The following PKHD1 variants were observed in gnomAD, a reference collection of about 807,000 sequenced individuals.
The protein encoded by PKHD1 is PKHD1 ciliary IPT domain containing fibrocystin/polyductin.
A neutral mutation model predicts 412.0 loss-of-function variants in PKHD1; 291 were observed. The observed-to-expected ratio is 0.71, with a 90% CI of 0.64 to 0.78. The LOEUF is 0.78. Ranked by LOEUF, PKHD1 falls within the 30% of genes least tolerant of loss-of-function variation. PKHD1 has a pLI of 0.00. For missense variants in PKHD1, 4,825 were observed against 4,950.7 expected (o/e 0.97, Z 0.76); for synonymous variants, 1,777 against 1,821.5 (o/e 0.98, Z 0.62).
chr6:51,847,875 C>A lies in PKHD1; in HGVS notation c.8007G>T (p.Gly2669=). ...ATGGAAAAGACAGACCCACTCGACT[C>A]CCACATCTTAGGAGGATGTCAGGGT... ...PPYPDILLRC[G]SRVGLSFPFL... Residue 2669 remains glycine, a synonymous_variant, in exon 50 of 67, where the codon GGG becomes GGT. Transcript: ENST00000371117. 1 of 1,613,770 alleles carries A rather than the reference C, an allele frequency of 6.2e-7. No homozygotes were observed. The highest frequency in any genetic ancestry group is 1.3e-5 in the African/African-American group (1 of 75,040).
intron 63 of PKHD1, among the ~76,000 whole-genome samples, chr6:51,641,867 G>A (rs528964453): frequency 5.8e-4 from 88 of 152,168 alleles, no homozygotes; most frequent in African/African-American, 2.0e-3. Context: ...GGCACAGGGA[G>A]GGGAACATCA....
intron 36 of PKHD1, among the ~76,000 whole-genome samples, chr6:51,959,336 A>T (rs563024802): frequency 5.0e-4 from 76 of 152,220 alleles, no homozygotes; most frequent in Middle Eastern, 3.4e-3. Flanking sequence ...CCATTTGAAG[A>T]TGTGGTAGTA....
intron 60 of PKHD1, among the ~76,000 whole-genome samples, chr6:51,743,809 TAA>T (rs1167030472): frequency 6.6e-6 from 1 of 151,964 alleles, no homozygotes; most frequent in African/African-American, 2.4e-5. Context: ...TTAGTGGAAA[TAA>T]AAAGACAATG....
chr6:51,795,163 G>A (rs1794403452), intron 52 of PKHD1, among the ~76,000 whole-genome samples: 1 of 152,132 alleles, frequency 6.6e-6, no homozygotes, highest in South Asian at 2.1e-4. Context: ...CATGAGCATG[G>A]AATATTTTTC....
At chr6:51,787,075 C>G (rs909250919) in intron 53 of PKHD1, among the ~76,000 whole-genome samples, 1 of 152,112 alleles carries the variant, frequency 6.6e-6, no homozygotes, top group Non-Finnish European at 1.5e-5. Flanking sequence ...CAAGCAGGAC[C>G]ACCGGCTGGG....
At chr6:51,654,982 C>T (rs529494601) in intron 61 of PKHD1, among the ~76,000 whole-genome samples, 2 of 152,110 alleles carry the variant, frequency 1.3e-5, no homozygotes, top group South Asian at 2.1e-4. Context: ...GTATGGAAAG[C>T]TTGCTTACGT....
chr6:52,056,031 T>G (rs1054219209), intron 18 of PKHD1, among the ~76,000 whole-genome samples: 4 of 152,148 alleles, frequency 2.6e-5, no homozygotes, highest in African/African-American at 4.8e-5. Flanking sequence ...AATTCTTTGT[T>G]GTAGGGGCTG....
intron 37 of PKHD1, among the ~76,000 whole-genome samples, chr6:51,928,301 T>G (rs966545115): frequency 2.0e-5 from 3 of 152,104 alleles, no homozygotes; most frequent in Non-Finnish European, 2.9e-5. Context: ...AACCAAGGTG[T>G]TTTTAAAGGA....
intron 52 of PKHD1, among the ~76,000 whole-genome samples, chr6:51,828,775 G>A (rs1479544409): frequency 1.3e-5 from 2 of 151,952 alleles, no homozygotes; most frequent in East Asian, 3.9e-4. Flanking sequence ...ACCACAAGCA[G>A]AAAACAAAGG....
rs1399888644 is a variant in PKHD1 at position 52,084,996 on chromosome 6, T to C, written c.-63A>G. The C allele has an allele frequency of 7.3e-6, 8 of 1,094,590 alleles. No individual in the cohort carries two copies. Among genetic ancestry groups the C allele is most frequent in the East Asian group, 4.7e-5 (2 of 42,468 alleles). 67.8% of individuals were successfully genotyped at this position (1,094,590 alleles called of 1,614,324 possible). A position where few individuals can be genotyped will look rare whatever the true frequency, so the allele number is the denominator to read the frequency against. On this transcript the variant is annotated 5_prime_UTR_variant, in exon 2 of 67. Coordinates refer to ENST00000371117, the MANE Select transcript of PKHD1 (RefSeq NM_138694.4). ...ACATTAAAAGCATTTTCAGTTTTGA[T>C]TGGAGCAGCATAGCTTTTGTGCTTT...
chr6:51,886,105 CT>C (rs1778175517), intron 44 of PKHD1, 133 bp from the exon 45 acceptor site: 1 of 712,376 alleles, frequency 1.4e-6, no homozygotes. Context: ...GACCCTCCCC[CT>C]AACTGTTCTT....
At chr6:51,776,933 G>A (rs1791117995) in intron 53 of PKHD1, among the ~76,000 whole-genome samples, 1 of 152,030 alleles carries the variant, frequency 6.6e-6, no homozygotes. Context: ...TAGCGTTAGT[G>A]AGTATGGACC....
chr6:51,838,137 C>T (rs866645851), intron 50 of PKHD1, among the ~76,000 whole-genome samples: 1 of 152,314 alleles, frequency 6.6e-6, no homozygotes, highest in African/African-American at 2.4e-5. Flanking sequence ...ACTTCTAAAT[C>T]CATCCTGTGA....
chr6:51,924,432 T>G lies in PKHD1; in HGVS notation c.6121+9678A>C, dbSNP rs113297696. 1.3e-3 allele frequency among the ~76,000 whole-genome samples: 198 copies of G among 152,300 alleles called. 1 individual carries two copies. Among genetic ancestry groups the G allele is most frequent in the Middle Eastern group, 0.01 (3 of 294 alleles). On this transcript the variant is annotated intron_variant, in intron 37 of 66. Coordinates refer to ENST00000371117, the MANE Select transcript of PKHD1 (RefSeq NM_138694.4). Reference sequence around the variant, plus strand: ...TAAATAGCACCTAATAGCCATGCTATAAATTTCGGACTTTACCTTAGAAAC... The same window carrying G: ...TAAATAGCACCTAATAGCCATGCTAGAAATTTCGGACTTTACCTTAGAAAC...
chr6:51,950,223 A>ATATATATATATATATATG (rs1561964504), intron 36 of PKHD1, among the ~76,000 whole-genome samples: 1 of 119,886 alleles, frequency 8.3e-6, no homozygotes, highest in Non-Finnish European at 1.8e-5. Flanking sequence ...AAAAAAAAAT[A>ATATATATATATATATATG]TATATATATA....
intron 51 of PKHD1, among the ~76,000 whole-genome samples, chr6:51,833,027 G>C (rs989766645): frequency 6.6e-6 from 1 of 152,086 alleles, no homozygotes; most frequent in Admixed American, 6.6e-5. Context: ...AATGTTGCCT[G>C]CTTCCCAACA....
Position 52,035,716 on chromosome 6 carries a change from G to C in PKHD1, c.3103C>G (p.Leu1035Val), listed in dbSNP as rs1257427287. ...EPSRAADIGG[L>V]WATIRGSSLE... ...CTAGAGCCTCGGATGGTGGCCCAGAGCCCTCCTGTAACAAAAACAGCATAT... is the reference window on the plus strand; with the variant it reads ...CTAGAGCCTCGGATGGTGGCCCAGACCCCTCCTGTAACAAAAACAGCATAT... The change falls in exon 28 of 67, where the codon CTC becomes GTC. Residue 1035 changes from leucine (L) to valine (V), a missense_variant. By Grantham distance (32) the Leu-to-Val change is conservative. Coordinates refer to ENST00000371117, the MANE Select transcript of PKHD1 (RefSeq NM_138694.4). The C allele has an allele frequency of 6.2e-7, 1 of 1,613,740 alleles. No homozygotes were observed. The highest frequency in any genetic ancestry group is 8.5e-7 in the Non-Finnish European group (1 of 1,179,850).
intron 36 of PKHD1, among the ~76,000 whole-genome samples, chr6:51,947,785 CA>C (rs1268595470): frequency 6.6e-6 from 1 of 152,122 alleles, no homozygotes; most frequent in Non-Finnish European, 1.5e-5. Flanking sequence ...CAATGACTCT[CA>C]AATTTATATC....
chr6:51,972,951 T>C (rs1264660419), intron 35 of PKHD1, among the ~76,000 whole-genome samples: 1 of 152,198 alleles, frequency 6.6e-6, no homozygotes, highest in East Asian at 1.9e-4. Context: ...GAACCCTCCA[T>C]GTCAGGATCA....
Sources: gnomAD v4.1 joint callset for allele counts (sites outside exome capture counted in the v4.1 genomes callset) on GRCh38, gnomAD v4.1.1 for gene constraint, MANE v1.5 for transcripts, NCBI Gene and HGNC (gene_info 2026-07-23, HGNC 2026-07-21) for gene names.